Variants in YAP1 observed in about 807,000 individuals in gnomAD.
The protein encoded by YAP1 is Yes1 associated transcriptional regulator.
A neutral mutation model predicts 56.9 loss-of-function variants in YAP1; 5 were observed. That is an observed-to-expected ratio of 0.09 (90% CI 0.05 to 0.18). YAP1 has a LOEUF of 0.18. Ranked by LOEUF, YAP1 falls within the 10% of genes least tolerant of loss-of-function variation. The probability of loss-of-function intolerance (pLI) is 1.00; values close to 1 mark genes in which losing one functional copy is unlikely to be tolerated. For missense variants in YAP1, 539 were observed against 651.8 expected, an observed-to-expected ratio of 0.83 and a Z score of 1.88; for synonymous variants, 265 against 248.1, an observed-to-expected ratio of 1.07 and a Z score of -0.64.
rs140918062 is a variant in YAP1 at position 102,142,945 on chromosome 11, C to G, written c.573-19511C>G. On this transcript the variant is annotated intron_variant, in intron 2 of 8. Coordinates refer to ENST00000282441, the MANE Select transcript of YAP1 (RefSeq NM_001130145.3). The stretch of plus-strand genomic sequence containing the variant: ...AGTGAGAGCAACTGTATCTTAAATA[C>G]TTAGGTGTAGTCTCTTAACGTGTGT... Among the ~76,000 whole-genome samples the G allele has an allele frequency of 5.5e-4, 83 of 152,254 alleles. No individual in the cohort carries two copies. In the East Asian group the frequency reaches 0.015, roughly 28 times the overall value.
At chr11:102,206,115 G>A in intron 5 of YAP1, 41 bp downstream of exon 5, 1 of 1,576,020 alleles carries the variant, frequency 6.3e-7, no homozygotes, top group Non-Finnish European at 8.6e-7. Flanking sequence ...ACTTTTGGGG[G>A]TTTGTTTTCT....
chr11:102,212,128 C>G (rs1308089793), intron 6 of YAP1, among the ~76,000 whole-genome samples: 2 of 152,222 alleles, frequency 1.3e-5, no homozygotes, highest in Non-Finnish European at 2.9e-5. Flanking sequence ...TATCTGAACA[C>G]TAGACGCTGT....
intron 2 of YAP1, among the ~76,000 whole-genome samples, chr11:102,144,884 ACACT>A (rs373127538): frequency 6.9e-4 from 105 of 151,394 alleles, no homozygotes; most frequent in African/African-American, 1.9e-3. Flanking sequence ...ACACATACAC[ACACT>A]CATGCTCACA....
intron 3 of YAP1, among the ~76,000 whole-genome samples, chr11:102,172,027 T>C (rs1946928758): frequency 6.6e-6 from 1 of 151,932 alleles, no homozygotes; most frequent in Admixed American, 6.6e-5. Context: ...CCGTCTCTAC[T>C]AAAAATACAA....
chr11:102,224,692 T>G (rs1273706476), intron 7 of YAP1, among the ~76,000 whole-genome samples: 1 of 152,254 alleles, frequency 6.6e-6, no homozygotes, highest in African/African-American at 2.4e-5. Context: ...AGATTAGTAC[T>G]GGTGGCCTAG....
chr11:102,134,441 T>G (rs936027311), intron 2 of YAP1, among the ~76,000 whole-genome samples: 2 of 150,158 alleles, frequency 1.3e-5, no homozygotes, highest in Non-Finnish European at 3.0e-5. Flanking sequence ...TGTCCTAATA[T>G]GCTATGTTAT....
intron 6 of YAP1, among the ~76,000 whole-genome samples, chr11:102,214,419 G>A (rs1949564096): frequency 6.6e-6 from 1 of 152,170 alleles, no homozygotes; most frequent in Non-Finnish European, 1.5e-5. Flanking sequence ...AGGTTCAGAT[G>A]TTCACAGTTG....
At chr11:102,186,192 T>C in intron 4 of YAP1, 61 bp downstream of exon 4, 2 of 1,550,588 alleles carry the variant, frequency 1.3e-6, no homozygotes, top group South Asian at 2.4e-5. Context: ...TTTGTAAATA[T>C]ACTTCGGAAA....
intron 6 of YAP1, among the ~76,000 whole-genome samples, chr11:102,211,088 A>G (rs1387299050): frequency 4.6e-5 from 7 of 152,192 alleles, no homozygotes; most frequent in African/African-American, 1.7e-4. Flanking sequence ...TTTATTCATG[A>G]TAAATGAAAT....
intron 4 of YAP1, among the ~76,000 whole-genome samples, chr11:102,191,793 C>T (rs896272318): frequency 8.5e-5 from 13 of 152,100 alleles, no homozygotes; most frequent in East Asian, 5.8e-4. Context: ...ACAAGCCTCC[C>T]GCCTGTAGCT....
chr11:102,129,270 G>A (rs1409047776), intron 2 of YAP1, among the ~76,000 whole-genome samples: 1 of 152,086 alleles, frequency 6.6e-6, no homozygotes. Flanking sequence ...CATATGGTCA[G>A]GTAAGCATTT....
intron 4 of YAP1, among the ~76,000 whole-genome samples, chr11:102,203,568 A>G (rs1948983279): frequency 6.6e-6 from 1 of 152,234 alleles, no homozygotes; most frequent in Non-Finnish European, 1.5e-5. Context: ...GGATAGAGGT[A>G]AAAGAGATTG....
chr11:102,173,675 C>T (rs955667119), intron 3 of YAP1, among the ~76,000 whole-genome samples: 9 of 152,098 alleles, frequency 5.9e-5, no homozygotes, highest in Non-Finnish European at 1.2e-4. Context: ...AAGGAATTTG[C>T]CCAAGGTTAG....
intron 4 of YAP1, among the ~76,000 whole-genome samples, chr11:102,192,526 A>T (rs1948348699): frequency 6.6e-6 from 1 of 152,226 alleles, no homozygotes; most frequent in Non-Finnish European, 1.5e-5. Flanking sequence ...ATGTAGAAAA[A>T]TTTACCTTCT....
intron 3 of YAP1, 35 bp downstream of exon 3, chr11:102,162,606 A>G: frequency 6.3e-7 from 1 of 1,591,652 alleles, no homozygotes; most frequent in Non-Finnish European, 8.6e-7. Context: ...CACATGGAGT[A>G]ATGCTTACGC....
At chr11:102,202,334 AT>A (rs34528413) in intron 4 of YAP1, among the ~76,000 whole-genome samples, 302 of 130,964 alleles carry the variant, frequency 2.3e-3, no homozygotes, top group African/African-American at 4.8e-3. Context: ...CACCTGGCTA[AT>A]TTTTTTTTTT....
chr11:102,177,991 C>G (rs1217380339), intron 3 of YAP1, among the ~76,000 whole-genome samples: 1 of 152,148 alleles, frequency 6.6e-6, no homozygotes, highest in Non-Finnish European at 1.5e-5. Context: ...AGGTTTGAAT[C>G]TCACTCTGCC....
intron 2 of YAP1, among the ~76,000 whole-genome samples, chr11:102,121,415 G>C (rs1943642600): frequency 6.7e-6 from 1 of 148,324 alleles, no homozygotes; most frequent in Admixed American, 6.8e-5. Context: ...CCCAGCCTGG[G>C]CAATGGGAGT....
intron 3 of YAP1, among the ~76,000 whole-genome samples, chr11:102,183,380 A>G (rs1947746761): frequency 6.6e-6 from 1 of 152,232 alleles, no homozygotes. Flanking sequence ...GGAGAGCAAT[A>G]GGAATGTTCT....
Sources: gnomAD v4.1 joint callset for allele counts (sites outside exome capture counted in the v4.1 genomes callset) on GRCh38, gnomAD v4.1.1 for gene constraint, MANE v1.5 for transcripts, NCBI Gene and HGNC (gene_info 2026-07-23, HGNC 2026-07-21) for gene names.